Variants in ANKRD17 observed in about 807,000 individuals in gnomAD.
ANKRD17 encodes the protein ankyrin repeat domain 17, also known as ankyrin repeat domain-containing protein 17.
Under a neutral mutation model 229.7 loss-of-function variants are expected in ANKRD17, and 19 were observed. The observed-to-expected ratio is 0.08, with a 90% CI of 0.06 to 0.12. The LOEUF is 0.12. Among genes scored for constraint, ANKRD17 ranks in the 10% least tolerant of loss-of-function variants. ANKRD17 has a pLI of 1.00. For missense variants in ANKRD17, 2,176 were observed against 3,176.8 expected (o/e 0.68, Z 7.57); for synonymous variants, 1,112 against 1,146.1 (o/e 0.97, Z 0.60).
At chr4:73,250,865 G>A (rs1353044329) in intron 1 of ANKRD17, among the ~76,000 whole-genome samples, 3 of 151,724 alleles carry the variant, frequency 2.0e-5, no homozygotes, top group Non-Finnish European at 1.5e-5. Flanking sequence ...GAGCCACTAC[G>A]CCCGACTAAT....
chr4:73,099,285 C>T (rs573765457), intron 25 of ANKRD17: 2 of 579,330 alleles, frequency 3.5e-6, no homozygotes, highest in Admixed American at 2.6e-5. Context: ...ATCCTTCCAC[C>T]TGCACCCTCA....
At chr4:73,182,775 A>G (rs1421290819) in intron 1 of ANKRD17, among the ~76,000 whole-genome samples, 4 of 152,192 alleles carry the variant, frequency 2.6e-5, no homozygotes. Flanking sequence ...AGATAAATCA[A>G]TGTTTCTCAA....
chr4:73,188,288 C>CT (rs1390626385), intron 1 of ANKRD17, among the ~76,000 whole-genome samples: 5 of 151,858 alleles, frequency 3.3e-5, no homozygotes, highest in Admixed American at 2.0e-4. Flanking sequence ...CCATAGCGAT[C>CT]TTTAAAGAAA....
chr4:73,186,598 T>C (rs950227969), intron 1 of ANKRD17, among the ~76,000 whole-genome samples: 4 of 152,164 alleles, frequency 2.6e-5, no homozygotes, highest in African/African-American at 4.8e-5. Flanking sequence ...CTTTGTTCTA[T>C]AGCACTTTCG....
At chr4:73,100,822 A>G in intron 25 of ANKRD17, 3 of 982,516 alleles carry the variant, frequency 3.1e-6, no homozygotes, top group South Asian at 4.7e-5. Context: ...AGGGAAATTA[A>G]AAACAAAACA....
intron 2 of ANKRD17, among the ~76,000 whole-genome samples, chr4:73,162,048 C>T (rs1732599210): frequency 6.7e-6 from 1 of 150,086 alleles, no homozygotes; most frequent in East Asian, 2.0e-4. Context: ...GCTGATTTTT[C>T]TCTCTCTCTT....
Position 73,092,364 on chromosome 4 carries a change from T to A in ANKRD17, c.5328-64A>T, listed in dbSNP as rs2110168001. ...TACTTTTGAGTATGTAAAGTGTTTTTAATATGTATTTATGTACACAAACAC... is the reference window on the plus strand; with the variant it reads ...TACTTTTGAGTATGTAAAGTGTTTTAAATATGTATTTATGTACACAAACAC... On this transcript the variant is annotated intron_variant, in intron 28 of 33. Coordinates refer to ENST00000358602, the MANE Select transcript of ANKRD17 (RefSeq NM_032217.5). The A allele has an allele frequency of 2.3e-6, 3 of 1,324,634 alleles. No individual in the cohort carries two copies. In the Middle Eastern group the frequency reaches 7.2e-4, roughly 319 times the overall value. 82.1% of individuals were successfully genotyped at this position (1,324,634 alleles called of 1,614,324 possible).
rs1378869903 is a variant in ANKRD17, at chr4:73,113,235, A to AAG, written c.4401+555_4401+556dup. The AAG allele has an allele frequency of 1.3e-5, 17 of 1,289,276 alleles. No individual in the cohort carries two copies. The Admixed American group carries it at 3.9e-4, about 30-fold the overall frequency. 79.9% of individuals were successfully genotyped at this position (1,289,276 alleles called of 1,614,324 possible). A position where few individuals can be genotyped will look rare whatever the true frequency, so the allele number is the denominator to read the frequency against. On this transcript the variant is annotated intron_variant, in intron 24 of 33. Transcript: ENST00000358602. ...CAGAAAAGGGAAGTGAAGAAGCTATAAGACTGTCCAAACTATATGCTGTTT... is the reference window on the plus strand; with the variant it reads ...CAGAAAAGGGAAGTGAAGAAGCTATAAGAGACTGTCCAAACTATATGCTGTTT...
chr4:73,255,532 T>C (rs1745378311), intron 1 of ANKRD17, among the ~76,000 whole-genome samples: 2 of 152,186 alleles, frequency 1.3e-5, no homozygotes, highest in South Asian at 2.1e-4. Flanking sequence ...CAAGACTTCC[T>C]AGCTCCAGAA....
intron 22 of ANKRD17, among the ~76,000 whole-genome samples, chr4:73,117,801 T>G (rs1363823678): frequency 3.9e-5 from 6 of 152,326 alleles, no homozygotes; most frequent in African/African-American, 1.4e-4. Context: ...AAGCTGGATT[T>G]AAGAGATCAA....
At chr4:73,199,221 C>CTGTGTGTG (rs10577503) in intron 1 of ANKRD17, among the ~76,000 whole-genome samples, 61 of 140,474 alleles carry the variant, frequency 4.3e-4, no homozygotes, top group Middle Eastern at 3.7e-3. Context: ...TACAGTTTGG[C>CTGTGTGTG]TGTGTGTGTG....
intron 14 of ANKRD17, 28 bp from the exon 15 acceptor site, chr4:73,140,311 G>C (rs1198129214): frequency 6.5e-7 from 1 of 1,546,640 alleles, no homozygotes. Flanking sequence ...CCCCTCAGAA[G>C]TGCACATGAA....
intron 16 of ANKRD17, among the ~76,000 whole-genome samples, chr4:73,131,405 A>G (rs568144475): frequency 6.6e-6 from 1 of 152,386 alleles, no homozygotes; most frequent in South Asian, 2.1e-4. Context: ...TTCCAGAATC[A>G]TTAGCATTTT....
At position 73,075,077 on chromosome 4, in the gene ANKRD17, C is replaced by A. The variant is rs1720917285; in HGVS notation, c.*1154G>T. ...ACTTGGCTCAAATTAACTGTTGATC[C>A]TTTTCACTGATAATATACAAGGGTA... is the stretch of plus-strand genomic sequence containing the variant. On this transcript the variant is annotated 3_prime_UTR_variant, in exon 34 of 34. Transcript: ENST00000358602. 1 of 152,334 alleles carries A rather than the reference C, an allele frequency of 6.6e-6. No individual in the cohort carries two copies. Among genetic ancestry groups the A allele is most frequent in the Admixed American group, 6.5e-5 (1 of 15,276 alleles). 9.4% of individuals were successfully genotyped at this position (152,334 alleles called of 1,614,324 possible). A position where few individuals can be genotyped will look rare whatever the true frequency, so the allele number is the denominator to read the frequency against.
intron 13 of ANKRD17, 102 bp downstream of exon 13, chr4:73,142,140 A>G (rs1729692826): frequency 8.3e-7 from 1 of 1,203,608 alleles, no homozygotes; most frequent in South Asian, 1.8e-5. Flanking sequence ...ACAGAACTAC[A>G]TATTAGAACA....
intron 1 of ANKRD17, among the ~76,000 whole-genome samples, chr4:73,233,183 C>T (rs1322455878): frequency 6.6e-6 from 1 of 152,060 alleles, no homozygotes; most frequent in Non-Finnish European, 1.5e-5. Context: ...GCACAGTTAC[C>T]AGTTTAACTT....
At position 73,135,260 on chromosome 4, in the gene ANKRD17, T is replaced by C; in HGVS notation, c.3091A>G (p.Ser1031Gly). ...DTLDDIMAAV[S>G]GRASAMSNTP... ...TTTGACATTGCAGATGCTCTTCCACTGACTGCTGTTGAACAAAATAACTGC... is the reference window on the plus strand; with the variant it reads ...TTTGACATTGCAGATGCTCTTCCACCGACTGCTGTTGAACAAAATAACTGC... The change falls in exon 16 of 34, where the codon AGT becomes GGT. Residue 1031 changes from serine to glycine, a missense_variant. This residue lies in a region of ANKRD17 where 230 missense variants were observed against 252.3 expected (regional missense o/e 0.91). Coordinates refer to ENST00000358602, the MANE Select transcript of ANKRD17 (RefSeq NM_032217.5). 2 of 1,609,570 alleles carry C rather than the reference T, an allele frequency of 1.2e-6. No homozygotes were observed. Among genetic ancestry groups the C allele is most frequent in the Non-Finnish European group, 1.7e-6 (2 of 1,177,362 alleles).
rs1745680352 is a variant in ANKRD17, at chr4:73,258,403, C to A, written c.266G>T (p.Ser89Ile). 1.9e-6 allele frequency: 3 copies of A among 1,611,032 alleles called. No homozygotes were observed. The highest frequency in any genetic ancestry group is 2.5e-6 in the Non-Finnish European group (3 of 1,179,508). The change falls in exon 1 of 34, where the codon AGC (serine) becomes ATC (isoleucine). Residue 89 changes from serine (S) to isoleucine (I), a missense_variant. By Grantham distance (142) the Ser-to-Ile change is moderately radical (BLOSUM62 -2). Transcript: ENST00000358602. ...GCCGCCGCTGTTGTCGCTGTCGCTG[C>A]TGCTTTCGCTGCTGCTGGGGGGTCG... Reference protein sequence around the residue: ...TCRPPSSSESSSDSDNSGGGG... With the variant: ...TCRPPSSSESISDSDNSGGGG...
At chr4:73,124,864 A>T (rs1031830517) in intron 18 of ANKRD17, 49 bp downstream of exon 18, 1 of 1,589,130 alleles carries the variant, frequency 6.3e-7, no homozygotes, top group Admixed American at 1.8e-5. Flanking sequence ...GAAAGTACAC[A>T]TTTGCTAAAC....
Sources: allele counts gnomAD v4.1 joint callset (sites outside exome capture counted in the v4.1 genomes callset), GRCh38; gene constraint gnomAD v4.1.1; regional missense constraint gnomAD v4.1.1; transcripts MANE v1.5; gene names NCBI Gene and HGNC (gene_info 2026-07-23, HGNC 2026-07-21).